The following SLC14A2 variants were observed in gnomAD, a reference collection of about 807,000 sequenced individuals.
SLC14A2 encodes urea transporter 2.
SLC14A2 carries 91 observed loss-of-function variants against 104.6 expected under a neutral mutation model. The observed-to-expected ratio is 0.87, with a 90% CI of 0.73 to 1.04. The LOEUF (loss-of-function observed/expected upper bound fraction) is 1.04. SLC14A2 is among the 50% of genes least tolerant of loss of function. The probability of loss-of-function intolerance (pLI) is 0.00; values close to 1 mark genes in which losing one functional copy is unlikely to be tolerated. For missense variants in SLC14A2, 1,189 were observed against 1,156.0 expected (o/e 1.03, Z -0.41); for synonymous variants, 476 against 466.4 (o/e 1.02, Z -0.27).
rs1378978158 is a variant in SLC14A2, at chr18:45,272,694, C to T, written c.-125+59503C>T. On this transcript the variant is annotated intron_variant, in intron 1 of 20. Coordinates refer to the SLC14A2 transcript ENST00000586448. ...ATGAATAAGACCTACTATTTGGAAG[C>T]ACAATAGGGTGACTTTAGTCAATAA... is the stretch of plus-strand genomic sequence containing the variant. 2.6e-5 allele frequency among the ~76,000 whole-genome samples: 4 copies of T among 151,960 alleles called. No homozygotes were observed. The East Asian group carries it at 7.7e-4, about 29-fold the overall frequency.
chr18:45,318,141 G>A (rs935052913), intron 1 of SLC14A2, among the ~76,000 whole-genome samples: 1 of 152,212 alleles, frequency 6.6e-6, no homozygotes, highest in Non-Finnish European at 1.5e-5. Flanking sequence ...GGGTGATGCT[G>A]GCAGGCTTCC....
intron 2 of SLC14A2, among the ~76,000 whole-genome samples, chr18:45,596,072 T>A (rs2044715739): frequency 6.6e-6 from 1 of 152,074 alleles, no homozygotes; most frequent in South Asian, 2.1e-4. Context: ...ATAAAGACCC[T>A]CCCCTTCCTC....
intron 1 of SLC14A2, among the ~76,000 whole-genome samples, chr18:45,305,545 TCTC>T: frequency 1.3e-5 from 2 of 152,250 alleles, no homozygotes; most frequent in East Asian, 1.9e-4. Context: ...CCTGTTTTCT[TCTC>T]CTCTTTGTCA....
At chr18:45,675,450 C>T (rs898465401) in intron 18 of SLC14A2, among the ~76,000 whole-genome samples, 4 of 151,990 alleles carry the variant, frequency 2.6e-5, no homozygotes, top group Non-Finnish European at 4.4e-5. Context: ...CAGTGATGTA[C>T]GTATAGACCA....
intron 2 of SLC14A2, among the ~76,000 whole-genome samples, chr18:45,485,550 C>T (rs1020243509): frequency 1.3e-5 from 2 of 152,168 alleles, no homozygotes; most frequent in African/African-American, 4.8e-5. Flanking sequence ...GTGAGTGGGG[C>T]CCCAAGAGGG....
intron 2 of SLC14A2, among the ~76,000 whole-genome samples, chr18:45,558,612 G>A (rs1599003538): frequency 6.6e-6 from 1 of 151,078 alleles, no homozygotes; most frequent in East Asian, 2.0e-4. Flanking sequence ...TCTCACTGGG[G>A]TGGATTAGAA....
upstream of SLC14A2, among the ~76,000 whole-genome samples, chr18:45,613,965 G>A (rs779504295): frequency 4.6e-5 from 7 of 152,198 alleles, no homozygotes; most frequent in East Asian, 7.7e-4. Flanking sequence ...AATGTTAATC[G>A]CCAAGACAAT....
At chr18:45,311,045 A>G (rs1469213114) in intron 1 of SLC14A2, among the ~76,000 whole-genome samples, 1 of 152,196 alleles carries the variant, frequency 6.6e-6, no homozygotes, top group Non-Finnish European at 1.5e-5. Context: ...AGGTACTGAG[A>G]TAATAGGTAT....
intron 8 of SLC14A2, among the ~76,000 whole-genome samples, chr18:45,642,046 A>T (rs992342277): frequency 6.6e-6 from 1 of 152,186 alleles, no homozygotes; most frequent in Non-Finnish European, 1.5e-5. Context: ...CAGAGGGGCT[A>T]ATTAACTTGC....
At chr18:45,653,902 G>A (rs1315581733) in intron 10 of SLC14A2, among the ~76,000 whole-genome samples, 2 of 152,186 alleles carry the variant, frequency 1.3e-5, no homozygotes, top group Admixed American at 1.3e-4. Flanking sequence ...AGGCAAATTG[G>A]CCCCCTGAGG....
chr18:45,316,146 G>A (rs553284661), intron 1 of SLC14A2, among the ~76,000 whole-genome samples: 14 of 152,278 alleles, frequency 9.2e-5, no homozygotes, highest in Admixed American at 2.0e-4. Context: ...GGAGAGCCCA[G>A]AGGAGAAAAG....
chr18:45,572,201 C>T (rs552760333), intron 2 of SLC14A2, among the ~76,000 whole-genome samples: 74 of 152,278 alleles, frequency 4.9e-4, no homozygotes, highest in African/African-American at 1.6e-3. Flanking sequence ...TAGACTGGCT[C>T]CATTGAGCCA....
At chr18:45,620,063 G>C (rs1017864566) in intron 1 of SLC14A2, among the ~76,000 whole-genome samples, 1 of 152,236 alleles carries the variant, frequency 6.6e-6, no homozygotes, top group Non-Finnish European at 1.5e-5. Context: ...GGTGCTGCAT[G>C]TCTCGCCCCC....
chr18:45,414,757 A>AAAAAAATAT (rs1360051908), intron 1 of SLC14A2, among the ~76,000 whole-genome samples: 53 of 76,066 alleles, frequency 7.0e-4, no homozygotes, highest in African/African-American at 1.5e-3. Context: ...AAAAAAAAAA[A>AAAAAAATAT]ATATATATAT....
chr18:45,508,269 G>A (rs534370126), intron 2 of SLC14A2, among the ~76,000 whole-genome samples: 33 of 152,278 alleles, frequency 2.2e-4, no homozygotes, highest in Non-Finnish European at 2.8e-4. Context: ...CCTTTGATAC[G>A]GTTTGATTGT....
At chr18:45,546,617 A>C (rs2043974023) in intron 2 of SLC14A2, among the ~76,000 whole-genome samples, 1 of 152,224 alleles carries the variant, frequency 6.6e-6, no homozygotes, top group African/African-American at 2.4e-5. Flanking sequence ...AAGGTCAAAG[A>C]GCTTAATAGT....
At chr18:45,297,954 G>A (rs1299482167) in intron 1 of SLC14A2, among the ~76,000 whole-genome samples, 1 of 152,116 alleles carries the variant, frequency 6.6e-6, no homozygotes, top group African/African-American at 2.4e-5. Flanking sequence ...CACTCAAAAG[G>A]TCAAAAGAAG....
At chr18:45,286,870 T>C (rs1369638809) in intron 1 of SLC14A2, among the ~76,000 whole-genome samples, 1 of 152,196 alleles carries the variant, frequency 6.6e-6, no homozygotes, top group Non-Finnish European at 1.5e-5. Flanking sequence ...GCTCCCCATA[T>C]GTGAACCTGT....
At chr18:45,592,251 C>T (rs1353365010) in intron 2 of SLC14A2, among the ~76,000 whole-genome samples, 1 of 152,014 alleles carries the variant, frequency 6.6e-6, no homozygotes, top group African/African-American at 2.4e-5. Context: ...GAGAAAATTA[C>T]ACTAGATTTT....
Sources: gnomAD v4.1 joint callset for allele counts (sites outside exome capture counted in the v4.1 genomes callset) on GRCh38, gnomAD v4.1.1 for gene constraint, MANE v1.5 for transcripts, NCBI Gene and HGNC (gene_info 2026-07-23, HGNC 2026-07-21) for gene names.